KIAA1755: variants seen among roughly 807,000 people sequenced by gnomAD.
The protein encoded by KIAA1755 is KIAA1755, also known as uncharacterized protein KIAA1755.
KIAA1755 carries 68 observed loss-of-function variants against 91.7 expected under a neutral mutation model. The observed-to-expected ratio is 0.74, with a 90% CI of 0.61 to 0.91. KIAA1755 has a LOEUF of 0.91. Ranked by LOEUF, KIAA1755 falls within the 40% of genes least tolerant of loss-of-function variation. The pLI is 0.00. For missense variants in KIAA1755, 1,535 were observed against 1,494.4 expected, an observed-to-expected ratio of 1.03 and a Z score of -0.45; for synonymous variants, 610 against 604.6, an observed-to-expected ratio of 1.01 and a Z score of -0.13.
At chr20:38,230,598 T>C (rs1276823933) in intron 5 of KIAA1755, among the ~76,000 whole-genome samples, 1 of 152,156 alleles carries the variant, frequency 6.6e-6, no homozygotes, top group Non-Finnish European at 1.5e-5. Context: ...ACCTTCAAAT[T>C]TGAAAACCGG....
intron 5 of KIAA1755, among the ~76,000 whole-genome samples, chr20:38,230,503 C>T (rs1015347512): frequency 1.3e-5 from 2 of 152,210 alleles, no homozygotes; most frequent in Admixed American, 6.5e-5. Context: ...TTTCAGGTCC[C>T]ACCCACCTTC....
intron 1 of KIAA1755, among the ~76,000 whole-genome samples, chr20:38,255,578 C>T (rs1196658278): frequency 2.0e-5 from 3 of 152,242 alleles, no homozygotes; most frequent in Non-Finnish European, 4.4e-5. Context: ...GACACTCGTC[C>T]TGAACTTCTC....
chr20:38,231,020 A>T (rs917909211), intron 5 of KIAA1755, among the ~76,000 whole-genome samples, 182 bp downstream of exon 5: 1 of 151,782 alleles, frequency 6.6e-6, no homozygotes, highest in African/African-American at 2.4e-5. Context: ...CAGCCTGACA[A>T]CCCCCCGATG....
At chr20:38,213,918 G>C (rs1301668499) in intron 13 of KIAA1755, among the ~76,000 whole-genome samples, 175 bp from the exon 14 acceptor site, 2 of 151,206 alleles carry the variant, frequency 1.3e-5, no homozygotes, top group Non-Finnish European at 2.9e-5. Flanking sequence ...CTGCCATCTG[G>C]AAACAGCCCC....
chr20:38,213,245 C>T lies in KIAA1755; in HGVS notation c.3400G>A (p.Ala1134Thr). 1.2e-6 allele frequency: 2 copies of T among 1,613,314 alleles called. No individual in the cohort carries two copies. Among genetic ancestry groups the T allele is most frequent in the Non-Finnish European group, 8.5e-7 (1 of 1,180,020 alleles). Residue 1134 changes from alanine to threonine, a missense_variant, in exon 14 of 14, where the codon GCA becomes ACA. By Grantham distance (58) the Ala-to-Thr change is moderately conservative. Transcript: ENST00000279024. ...GSPPQEAGQA[A>T]EAEDGKGSHK... ...GAGCCTTTGCCGTCTTCAGCCTCTG[C>T]AGCCTGGCCAGCTTCCTGGGGTGGA...
At chr20:38,235,580 C>T (rs1447720597) in intron 4 of KIAA1755, among the ~76,000 whole-genome samples, 1 of 152,062 alleles carries the variant, frequency 6.6e-6, no homozygotes, top group East Asian at 1.9e-4. Flanking sequence ...GAAGGGGCCA[C>T]AAGCCAAGGA....
At chr20:38,240,001 A>G (rs1190922162) in intron 3 of KIAA1755, among the ~76,000 whole-genome samples, 1 of 151,998 alleles carries the variant, frequency 6.6e-6, no homozygotes, top group African/African-American at 2.4e-5. Context: ...GGCTTGAAAG[A>G]TCCTCCCACC....
chr20:38,247,761 G>A (rs1401562900), intron 1 of KIAA1755, among the ~76,000 whole-genome samples: 1 of 152,182 alleles, frequency 6.6e-6, no homozygotes, highest in South Asian at 2.1e-4. Flanking sequence ...ATCACCAGGT[G>A]GAAGAGGATG....
At chr20:38,257,040 C>G (rs1382414773) in intron 1 of KIAA1755, among the ~76,000 whole-genome samples, 1 of 152,128 alleles carries the variant, frequency 6.6e-6, no homozygotes, top group Non-Finnish European at 1.5e-5. Flanking sequence ...TCCTGCCCAC[C>G]CTTCAGAGCC....
At position 38,238,518 on chromosome 20, in the gene KIAA1755, C is replaced by T. The variant is rs116011848; in HGVS notation, c.1747+1010G>A. Among the ~76,000 whole-genome samples, 546 of 152,274 alleles carry T rather than the reference C, an allele frequency of 3.6e-3. 5 individuals are homozygous for T. Among genetic ancestry groups the T allele is most frequent in the African/African-American group, 0.012 (510 of 41,560 alleles). On this transcript the variant is annotated intron_variant, in intron 4 of 13. Transcript: ENST00000279024. ...ACTCATACCATAGGACTGGGCTTTA[C>T]GTTACTTCCTCCGGGAAGTCATCCT...
intron 10 of KIAA1755, among the ~76,000 whole-genome samples, chr20:38,221,724 A>T (rs1175174244): frequency 6.6e-6 from 1 of 152,248 alleles, no homozygotes; most frequent in Non-Finnish European, 1.5e-5. Context: ...TGTAAACAAA[A>T]TGTTCTTAAA....
chr20:38,236,907 T>C (rs1296873705), intron 4 of KIAA1755: 3 of 151,936 alleles, frequency 2.0e-5, no homozygotes, highest in African/African-American at 7.3e-5. Flanking sequence ...CTCATCCTGA[T>C]GGGAATGGCC....
intron 9 of KIAA1755, 150 bp downstream of exon 9, chr20:38,223,388 T>C (rs951462018): frequency 8.8e-6 from 5 of 565,186 alleles, no homozygotes; most frequent in Non-Finnish European, 1.5e-5. Context: ...GGGTACAAAG[T>C]GGGTGCCCCT....
intron 11 of KIAA1755, 36 bp downstream of exon 11, chr20:38,219,594 A>G (rs1279771423): frequency 6.2e-7 from 1 of 1,611,860 alleles, no homozygotes; most frequent in East Asian, 2.2e-5. Context: ...GTGGCCAGGC[A>G]GAACCCCCAC....
Position 38,239,599 on chromosome 20 carries a change from G to T in KIAA1755, c.1676C>A (p.Pro559His). 2 of 1,607,866 alleles carry T rather than the reference G, an allele frequency of 1.2e-6. No homozygotes were observed. The highest frequency in any genetic ancestry group is 2.2e-5 in the South Asian group (2 of 90,120). Residue 559 changes from proline to histidine, a missense_variant, in exon 4 of 14, where the codon CCC becomes CAC. Pro to His is a moderately conservative substitution (Grantham distance 77, BLOSUM62 -2). Transcript: ENST00000279024. ...CCCAATCCTGGGCTCAGGCCCTGGG[G>T]GCTCCTCCTCCAGGGTGGGGCCTCT... ...PERGPTLEEE[P>H]PGPEPRIGAL...
intron 4 of KIAA1755, among the ~76,000 whole-genome samples, chr20:38,235,355 C>T (rs1307474996): frequency 2.0e-5 from 3 of 151,906 alleles, no homozygotes; most frequent in Non-Finnish European, 2.9e-5. Context: ...ATGCCCTAAT[C>T]CCCAGAACCT....
intron 11 of KIAA1755, 24 bp downstream of exon 11, chr20:38,219,606 C>T (rs762405225): frequency 3.7e-6 from 6 of 1,613,176 alleles, no homozygotes; most frequent in Non-Finnish European, 5.1e-6. Context: ...AACCCCCACA[C>T]CCCAAGCCAG....
chr20:38,225,415 A>G (rs944230665), intron 8 of KIAA1755: 8 of 508,712 alleles, frequency 1.6e-5, no homozygotes, highest in Admixed American at 3.7e-5. Flanking sequence ...TTAGCTGATG[A>G]GGAAACCAAG....
At chr20:38,236,522 G>C (rs1568756354) in intron 4 of KIAA1755, among the ~76,000 whole-genome samples, 1 of 152,214 alleles carries the variant, frequency 6.6e-6, no homozygotes, top group Non-Finnish European at 1.5e-5. Context: ...TGAGGAGACA[G>C]GAAAGGAGGC....
Sources: gnomAD v4.1 joint callset for allele counts (sites outside exome capture counted in the v4.1 genomes callset) on GRCh38, gnomAD v4.1.1 for gene constraint, MANE v1.5 for transcripts, NCBI Gene and HGNC (gene_info 2026-07-23, HGNC 2026-07-21) for gene names.